Variants in ANAPC7 observed in about 807,000 individuals in gnomAD.
ANAPC7 encodes the protein anaphase-promoting complex subunit 7.
ANAPC7 carries 25 observed loss-of-function variants against 63.3 expected under a neutral mutation model. The observed-to-expected ratio is 0.39, with a 90% CI of 0.29 to 0.55. The LOEUF (loss-of-function observed/expected upper bound fraction) is 0.55. ANAPC7 is among the 20% of genes least tolerant of loss of function. The pLI, the probability that ANAPC7 is intolerant of heterozygous loss-of-function variation, is 0.57. For missense variants in ANAPC7, 516 were observed against 691.7 expected (o/e 0.75, Z 2.85); for synonymous variants, 241 against 251.7 (o/e 0.96, Z 0.40).
chr12:110,382,037 G>A, intron 7 of ANAPC7, 89 bp from the exon 8 acceptor site: 1 of 1,253,002 alleles, frequency 8.0e-7, no homozygotes, highest in Non-Finnish European at 1.1e-6. Flanking sequence ...AAATCATATT[G>A]AAGGCCCTGA....
chr12:110,402,585 C>T (rs997364553), intron 1 of ANAPC7, among the ~76,000 whole-genome samples: 1 of 152,132 alleles, frequency 6.6e-6, no homozygotes, highest in African/African-American at 2.4e-5. Context: ...CCGCCCGCCT[C>T]GGCCTCCCAA....
At chr12:110,383,183 A>C in intron 6 of ANAPC7, 1 of 437,856 alleles carries the variant, frequency 2.3e-6, no homozygotes, top group Non-Finnish European at 4.1e-6. Flanking sequence ...TCACACCTGT[A>C]ATTCCAGCAC....
rs1465618866 is a variant in ANAPC7, at chr12:110,382,454, AAAAAAAAATATATATAT to A, written c.935+372_935+388del. On this transcript the variant is annotated intron_variant, in intron 7 of 10. Coordinates refer to ENST00000455511, the MANE Select transcript of ANAPC7 (RefSeq NM_016238.3). Reference sequence around the variant, plus strand: ...TGATTATCCTTTTAAAAAAAAAAAAAAAAAAAAATATATATATATATATATATATATATATATATATT... The same window carrying A: ...TGATTATCCTTTTAAAAAAAAAAAAAATATATATATATATATATATATATT... Among the ~76,000 whole-genome samples, 56 of 93,636 alleles carry A rather than the reference AAAAAAAAATATATATAT, an allele frequency of 6.0e-4. 1 individual carries two copies. Among genetic ancestry groups the A allele is most frequent in the Middle Eastern group, 0.01 (2 of 198 alleles). 61.4% of individuals were successfully genotyped at this position (93,636 alleles called of 152,430 possible).
At chr12:110,388,725 T>C in intron 3 of ANAPC7, 102 bp from the exon 4 acceptor site, 6 of 844,822 alleles carry the variant, frequency 7.1e-6, no homozygotes, top group Non-Finnish European at 1.1e-5. Flanking sequence ...ATTTACTTTT[T>C]ACTGGAAAAT....
rs762881656 is a variant in ANAPC7, at chr12:110,382,977, T to C, written c.818-17A>G. 2.3e-5 allele frequency: 36 copies of C among 1,593,624 alleles called. No individual in the cohort carries two copies. The highest frequency in any genetic ancestry group is 5.1e-5 in the Admixed American group (3 of 59,030). On this transcript the variant is annotated splice_polypyrimidine_tract_variant and intron_variant, in intron 6 of 10. Coordinates refer to ENST00000455511, the MANE Select transcript of ANAPC7 (RefSeq NM_016238.3). ...CATCCATTCCTAGAAGAGAAGGACA[T>C]AGTGAGAAGAGGTGTTTTAAGAAGA...
At chr12:110,402,049 C>T (rs1438077214) in intron 1 of ANAPC7, among the ~76,000 whole-genome samples, 1 of 151,676 alleles carries the variant, frequency 6.6e-6, no homozygotes, top group Non-Finnish European at 1.5e-5. Context: ...GTGGCGCTCG[C>T]CTGTAATCCC....
chr12:110,387,462 A>T (rs1882716695), intron 5 of ANAPC7: 1 of 226,950 alleles, frequency 4.4e-6, no homozygotes, highest in African/African-American at 2.6e-5. Flanking sequence ...AAAAAAAAAA[A>T]TGACACACCA....
intron 1 of ANAPC7, among the ~76,000 whole-genome samples, chr12:110,400,900 A>T (rs929256695): frequency 6.6e-6 from 1 of 151,256 alleles, no homozygotes; most frequent in Non-Finnish European, 1.5e-5. Context: ...AAAAAAAAAA[A>T]TTAGCTGGGC....
rs1882740770 is a variant in ANAPC7 at position 110,387,741 on chromosome 12, G to A, written c.672C>T (p.Ile224=). ...TGAATTAACTTTGTGGCTCTCACCA[G>A]ATGGTACTGATTGCTCTTGAGTTGT... ...TGDNSRAIST[I]CSLEKKSLLR... is the part of the protein sequence containing the mutation. Residue 224 remains isoleucine, a splice_region_variant and synonymous_variant, in exon 5 of 11, where the codon ATC becomes ATT. Transcript: ENST00000455511. 1 of 1,611,214 alleles carries A rather than the reference G, an allele frequency of 6.2e-7. No homozygotes were observed. Among genetic ancestry groups the A allele is most frequent in the African/African-American group, 1.3e-5 (1 of 74,902 alleles).
At chr12:110,375,968 A>T in intron 10 of ANAPC7, 98 bp downstream of exon 10, 7 of 1,421,000 alleles carry the variant, frequency 4.9e-6, no homozygotes, top group African/African-American at 1.4e-5. Flanking sequence ...TCAACCATGG[A>T]CACAAAGTGT....
At chr12:110,381,581 C>T (rs564441009) in intron 8 of ANAPC7, among the ~76,000 whole-genome samples, 171 bp downstream of exon 8, 6 of 151,956 alleles carry the variant, frequency 3.9e-5, no homozygotes, top group African/African-American at 7.3e-5. Flanking sequence ...ATGATCTGCC[C>T]GTCTCGGCCT....
chr12:110,389,818 G>C (rs1348384052), intron 3 of ANAPC7, among the ~76,000 whole-genome samples: 1 of 151,868 alleles, frequency 6.6e-6, no homozygotes, highest in Non-Finnish European at 1.5e-5. Context: ...TGTAGTCCCA[G>C]CTACTCAGGA....
Position 110,373,810 on chromosome 12 carries a change from C to A in ANAPC7, c.*334G>T. ...AACTCCTTCAAACCAATCCATGTCA[C>A]AGAACACTGTCTATTCCTTGAGCTT... is the stretch of plus-strand genomic sequence containing the variant. On this transcript the variant is annotated 3_prime_UTR_variant, in exon 11 of 11. Transcript: ENST00000455511. 3 of 216,248 alleles carry A rather than the reference C, an allele frequency of 1.4e-5. No homozygotes were observed. The highest frequency in any genetic ancestry group is 1.8e-5 in the Non-Finnish European group (2 of 111,198). 13.4% of individuals were successfully genotyped at this position (216,248 alleles called of 1,614,324 possible).
chr12:110,380,015 G>A (rs944507487), intron 8 of ANAPC7, among the ~76,000 whole-genome samples: 2 of 152,128 alleles, frequency 1.3e-5, no homozygotes, highest in Non-Finnish European at 2.9e-5. Context: ...GTTATCCCAC[G>A]AGTACTAACT....
intron 7 of ANAPC7, 126 bp downstream of exon 7, chr12:110,382,717 G>A (rs1882057746): frequency 5.4e-6 from 4 of 741,976 alleles, no homozygotes; most frequent in Non-Finnish European, 8.7e-6. Context: ...TTACAGGCAT[G>A]AGCCACCATG....
chr12:110,399,857 A>C (rs2062202838), intron 1 of ANAPC7, among the ~76,000 whole-genome samples: 1 of 150,882 alleles, frequency 6.6e-6, no homozygotes. Context: ...GCACTTTGGG[A>C]GGCCAAGGAG....
At chr12:110,399,653 C>T (rs2062196886) in intron 1 of ANAPC7, among the ~76,000 whole-genome samples, 8 of 151,828 alleles carry the variant, frequency 5.3e-5, no homozygotes, top group Admixed American at 4.6e-4. Flanking sequence ...TGGCCATGTG[C>T]GGTGGCTTAT....
rs201523244 is a variant in ANAPC7, at chr12:110,386,310, C to A, written c.817+17G>T. The A allele has an allele frequency of 1.5e-5, 24 of 1,613,492 alleles. No homozygotes were observed. The highest frequency in any genetic ancestry group is 1.9e-5 in the Non-Finnish European group (22 of 1,179,968). On this transcript the variant is annotated intron_variant, in intron 6 of 10. Coordinates refer to ENST00000455511, the MANE Select transcript of ANAPC7 (RefSeq NM_016238.3). Reference sequence around the variant, plus strand: ...CCCAACAACAGCCACTGTCTTCCTGCCCCAAGAATTACTTACCTTTTATCA... The same window carrying A: ...CCCAACAACAGCCACTGTCTTCCTGACCCAAGAATTACTTACCTTTTATCA...
chr12:110,381,694 C>T, intron 8 of ANAPC7, 58 bp downstream of exon 8: 2 of 1,549,952 alleles, frequency 1.3e-6, no homozygotes, highest in Admixed American at 1.8e-5. Context: ...AACCTTCCAT[C>T]TGAGGGCTGC....
Sources: allele counts gnomAD v4.1 joint callset (sites outside exome capture counted in the v4.1 genomes callset), GRCh38; gene constraint gnomAD v4.1.1; transcripts MANE v1.5; gene names NCBI Gene and HGNC (gene_info 2026-07-23, HGNC 2026-07-21).